Variants in CNTNAP4 observed in about 807,000 individuals in gnomAD.
CNTNAP4 encodes the protein contactin-associated protein-like 4.
Under a neutral mutation model 148.4 loss-of-function variants are expected in CNTNAP4, and 98 were observed. That is an observed-to-expected ratio of 0.66 (90% CI 0.56 to 0.78). The LOEUF (loss-of-function observed/expected upper bound fraction) is 0.78, where lower values mean the gene tolerates loss of function less well. CNTNAP4 is among the 30% of genes least tolerant of loss of function. CNTNAP4 has a pLI of 0.00. For missense variants in CNTNAP4, 1,935 were observed against 1,565.6 expected, an observed-to-expected ratio of 1.24 and a Z score of -3.98; for synonymous variants, 730 against 565.1, an observed-to-expected ratio of 1.29 and a Z score of -4.14.
At chr16:76,284,090 T>A (rs548828913) in intron 1 of CNTNAP4, among the ~76,000 whole-genome samples, 1 of 152,156 alleles carries the variant, frequency 6.6e-6, no homozygotes, top group East Asian at 1.9e-4. Flanking sequence ...ATTCAATAAT[T>A]TTGACCTCAA....
intron 10 of CNTNAP4, among the ~76,000 whole-genome samples, chr16:76,471,869 A>G (rs1035292583): frequency 6.6e-6 from 1 of 152,216 alleles, no homozygotes; most frequent in African/African-American, 2.4e-5. Context: ...GGTGACCATT[A>G]TCCTAGCGCT....
chr16:76,434,618 T>C (rs1382311078), intron 4 of CNTNAP4, among the ~76,000 whole-genome samples: 5 of 152,214 alleles, frequency 3.3e-5, no homozygotes, highest in Non-Finnish European at 7.3e-5. Flanking sequence ...TTCAAGTCTT[T>C]GATGTTGGCA....
chr16:76,494,491 A>G (rs1241694788), intron 13 of CNTNAP4, among the ~76,000 whole-genome samples: 1 of 152,188 alleles, frequency 6.6e-6, no homozygotes, highest in Non-Finnish European at 1.5e-5. Flanking sequence ...ATAACATTCC[A>G]TAATGCTTTA....
intron 3 of CNTNAP4, among the ~76,000 whole-genome samples, chr16:76,404,080 A>T (rs971394812): frequency 2.0e-5 from 3 of 152,172 alleles, no homozygotes; most frequent in Non-Finnish European, 4.4e-5. Context: ...GAGCAGAAAA[A>T]TTAACTATTG....
At chr16:76,414,058 C>T (rs2144939014) in intron 3 of CNTNAP4, among the ~76,000 whole-genome samples, 1 of 151,392 alleles carries the variant, frequency 6.6e-6, no homozygotes, top group South Asian at 2.1e-4. Flanking sequence ...ATTTTTCTTG[C>T]CTTATTACAC....
intron 1 of CNTNAP4, among the ~76,000 whole-genome samples, chr16:76,298,542 T>A (rs1220683697): frequency 6.7e-6 from 1 of 148,502 alleles, no homozygotes; most frequent in African/African-American, 2.5e-5. Context: ...GGTAAGGGGC[T>A]GTGCTGAGAA....
intron 1 of CNTNAP4, among the ~76,000 whole-genome samples, chr16:76,295,611 G>A (rs2143872702): frequency 6.6e-6 from 1 of 152,096 alleles, no homozygotes; most frequent in African/African-American, 2.4e-5. Context: ...TGCTAATAAA[G>A]AACAGGCAAC....
intron 3 of CNTNAP4, among the ~76,000 whole-genome samples, chr16:76,410,649 A>G (rs891745501): frequency 2.6e-5 from 4 of 151,748 alleles, no homozygotes; most frequent in Non-Finnish European, 5.9e-5. Flanking sequence ...TTACATTATT[A>G]CTAAATAAAA....
chr16:76,319,646 A>T (rs1456035370), intron 2 of CNTNAP4, among the ~76,000 whole-genome samples: 1 of 152,140 alleles, frequency 6.6e-6, no homozygotes, highest in Admixed American at 6.5e-5. Context: ...TGTCCTTATA[A>T]GGAGTGTGAG....
In CNTNAP4 at chr16:76,361,065, C is replaced by T. The variant is rs189335580; in HGVS notation, c.390+5554C>T. Among the ~76,000 whole-genome samples the T allele has an allele frequency of 6.6e-4, 100 of 151,974 alleles. 1 individual carries two copies. The East Asian group carries it at 0.013, about 20-fold the overall frequency. ...GCCTCGATTTGCTGACCTCGTGGTC[C>T]GCCTGCCTCAACCTCCCAAAGTGCT... is the stretch of plus-strand genomic sequence containing the variant. On this transcript the variant is annotated intron_variant, in intron 3 of 23. Transcript: ENST00000611870.
chr16:76,415,158 G>A (rs1361837113), intron 3 of CNTNAP4, among the ~76,000 whole-genome samples: 1 of 151,062 alleles, frequency 6.6e-6, no homozygotes, highest in Non-Finnish European at 1.5e-5. Context: ...TATTTATGAA[G>A]TATGTTTTCT....
At chr16:76,290,530 C>T (rs1207543420) in intron 1 of CNTNAP4, among the ~76,000 whole-genome samples, 3 of 152,114 alleles carry the variant, frequency 2.0e-5, no homozygotes, top group Non-Finnish European at 4.4e-5. Flanking sequence ...GTACACTGTC[C>T]TGCTTGCTTC....
At chr16:76,474,053 C>A (rs1220334474) in intron 10 of CNTNAP4, among the ~76,000 whole-genome samples, 1 of 152,052 alleles carries the variant, frequency 6.6e-6, no homozygotes, top group Non-Finnish European at 1.5e-5. Flanking sequence ...AAAAGATAGA[C>A]CTAACACTTT....
In CNTNAP4 at chr16:76,345,612, A is replaced by G. The variant is rs1479268485; in HGVS notation, c.197-9706A>G. On this transcript the variant is annotated intron_variant, in intron 2 of 23. Transcript: ENST00000611870. ...TGTGATAAGGCCATCTGTGTTTGCTAATTGGATCTTATGTAAGTTAGGCTC... is the reference window on the plus strand; with the variant it reads ...TGTGATAAGGCCATCTGTGTTTGCTGATTGGATCTTATGTAAGTTAGGCTC... Among the ~76,000 whole-genome samples the G allele has an allele frequency of 2.0e-5, 3 of 152,166 alleles. No homozygotes were observed. In the East Asian group the frequency reaches 5.8e-4, roughly 30 times the overall value.
rs1428886622 is a variant in CNTNAP4, at chr16:76,540,730, C to T, written c.3382C>T (p.His1128Tyr). ...TGACGATAATAGAAGGAGACAAGTT[C>T]ACCTGTCATCAGGCACAGAATTCAG... ...EIDDNRRRQV[H>Y]LSSGTEFSAV... Residue 1128 changes from histidine to tyrosine, a missense_variant, in exon 21 of 24, where the codon CAC (histidine) becomes TAC (tyrosine). Transcript: ENST00000611870. 2 of 1,574,918 alleles carry T rather than the reference C, an allele frequency of 1.3e-6. No individual in the cohort carries two copies. Among genetic ancestry groups the T allele is most frequent in the Non-Finnish European group, 1.7e-6 (2 of 1,158,246 alleles).
At chr16:76,388,545 C>G (rs1194974833) in intron 3 of CNTNAP4, among the ~76,000 whole-genome samples, 1 of 152,132 alleles carries the variant, frequency 6.6e-6, no homozygotes, top group African/African-American at 2.4e-5. Context: ...AAAATGCACA[C>G]AAAGTAAACA....
chr16:76,358,238 A>G (rs1489655961), intron 3 of CNTNAP4, among the ~76,000 whole-genome samples: 3 of 152,162 alleles, frequency 2.0e-5, no homozygotes, highest in African/African-American at 7.2e-5. Flanking sequence ...TGGGAGGCTG[A>G]GATGGGAGGA....
chr16:76,403,306 G>A (rs911861372), intron 3 of CNTNAP4, among the ~76,000 whole-genome samples: 7 of 152,036 alleles, frequency 4.6e-5, no homozygotes, highest in Non-Finnish European at 7.4e-5. Flanking sequence ...TGTTAGCCAG[G>A]ATGGTCTCGA....
intron 2 of CNTNAP4, among the ~76,000 whole-genome samples, chr16:76,337,620 C>G (rs1964128812): frequency 2.0e-5 from 3 of 152,142 alleles, no homozygotes; most frequent in Admixed American, 2.0e-4. Flanking sequence ...TAACAGGAAA[C>G]AGGGTTCGAG....
Sources: allele counts gnomAD v4.1 joint callset (sites outside exome capture counted in the v4.1 genomes callset), GRCh38; gene constraint gnomAD v4.1.1; transcripts MANE v1.5; gene names NCBI Gene and HGNC (gene_info 2026-07-23, HGNC 2026-07-21).